The following PTPRO variants were observed in gnomAD, a reference collection of about 807,000 sequenced individuals.
PTPRO encodes protein tyrosine phosphatase receptor type O, also known as receptor-type tyrosine-protein phosphatase O.
A neutral mutation model predicts 145.2 loss-of-function variants in PTPRO; 62 were observed. The ratio of observed to expected loss-of-function variants is 0.43; its 90% CI spans 0.35 to 0.53. The LOEUF is 0.53. Ranked by LOEUF, PTPRO falls within the 20% of genes least tolerant of loss-of-function variation. The pLI, the probability that PTPRO is intolerant of heterozygous loss-of-function variation, is 0.01. For synonymous variants in PTPRO, 565 were observed against 514.7 expected (o/e 1.10, Z -1.32); for missense variants, 1,345 against 1,482.7 (o/e 0.91, Z 1.53).
intron 1 of PTPRO, among the ~76,000 whole-genome samples, chr12:15,454,289 G>C (rs1348087232): frequency 1.3e-5 from 2 of 152,132 alleles, no homozygotes; most frequent in Non-Finnish European, 2.9e-5. Flanking sequence ...CTGTGGACTT[G>C]ATTTGCATTT....
chr12:15,497,096 T>G, intron 2 of PTPRO, 149 bp from the exon 3 acceptor site: 1 of 703,298 alleles, frequency 1.4e-6, no homozygotes, highest in Non-Finnish European at 2.5e-6. Flanking sequence ...AACATTCAAT[T>G]CATGGTTACT....
At chr12:15,367,083 T>A (rs1938384469) in intron 1 of PTPRO, among the ~76,000 whole-genome samples, 1 of 152,292 alleles carries the variant, frequency 6.6e-6, no homozygotes, top group East Asian at 1.9e-4. Flanking sequence ...TAGTACAATG[T>A]CATCACAGCT....
intron 19 of PTPRO, 64 bp from the exon 20 acceptor site, chr12:15,578,789 G>GT: frequency 1.1e-6 from 1 of 895,348 alleles, no homozygotes; most frequent in Non-Finnish European, 1.6e-6. Context: ...CAATAAACCA[G>GT]TTGAACAATA....
intron 2 of PTPRO, among the ~76,000 whole-genome samples, chr12:15,495,039 CAG>C (rs1311307959): frequency 1.3e-5 from 2 of 152,078 alleles, no homozygotes; most frequent in Non-Finnish European, 2.9e-5. Flanking sequence ...GAACTCAAAA[CAG>C]AGTTTTCAAG....
chr12:15,355,384 TAGTC>T (rs1937952862), intron 1 of PTPRO, among the ~76,000 whole-genome samples: 1 of 152,216 alleles, frequency 6.6e-6, no homozygotes, highest in South Asian at 2.1e-4. Context: ...TTCATGGCCT[TAGTC>T]AGGTGCCTTG....
intron 10 of PTPRO, among the ~76,000 whole-genome samples, chr12:15,523,850 T>C (rs916890665): frequency 2.6e-5 from 4 of 151,010 alleles, no homozygotes; most frequent in Non-Finnish European, 4.4e-5. Context: ...CAGGCTGGAA[T>C]GCAGTGGCAG....
chr12:15,327,914 T>C, intron 1 of PTPRO, among the ~76,000 whole-genome samples: 1 of 151,870 alleles, frequency 6.6e-6, no homozygotes, highest in Admixed American at 6.6e-5. Flanking sequence ...AGGAATTCGA[T>C]ACCAGCCTGG....
intron 11 of PTPRO, 25 bp from the exon 12 acceptor site, chr12:15,526,117 A>G (rs1410804311): frequency 6.2e-7 from 1 of 1,613,684 alleles, no homozygotes; most frequent in Non-Finnish European, 8.5e-7. Flanking sequence ...AAAAGTTTAA[A>G]CCCTTGATTT....
chr12:15,430,838 A>T (rs1565625114), intron 1 of PTPRO, among the ~76,000 whole-genome samples: 1 of 152,198 alleles, frequency 6.6e-6, no homozygotes, highest in Non-Finnish European at 1.5e-5. Context: ...ATAAATATAT[A>T]CAATTTTGTC....
chr12:15,464,538 G>A lies in PTPRO; in HGVS notation c.76-19436G>A, dbSNP rs887008363. On this transcript the variant is annotated intron_variant, in intron 1 of 26. Coordinates refer to ENST00000281171, the MANE Select transcript of PTPRO (RefSeq NM_030667.3). ...CCCAGCTAATTTTGTTTTTTTTTTT[G>A]TATTTTTAATAGAGGGGGGTTTCAC... 3.2e-5 allele frequency among the ~76,000 whole-genome samples: 3 copies of A among 92,974 alleles called. No homozygotes were observed. In the Middle Eastern group the frequency reaches 0.019, roughly 588 times the overall value. The allele number at this position is 92,974 out of a possible 152,430, so 61.0% of individuals were successfully genotyped here. A position where few individuals can be genotyped will look rare whatever the true frequency, so the allele number is the denominator to read the frequency against.
At chr12:15,572,123 C>T (rs1301928067) in intron 19 of PTPRO, among the ~76,000 whole-genome samples, 1 of 152,020 alleles carries the variant, frequency 6.6e-6, no homozygotes, top group Non-Finnish European at 1.5e-5. Flanking sequence ...TTTTCTTAAC[C>T]AATTGATATA....
intron 1 of PTPRO, among the ~76,000 whole-genome samples, chr12:15,383,956 A>G (rs902935638): frequency 6.6e-6 from 1 of 152,186 alleles, no homozygotes; most frequent in Non-Finnish European, 1.5e-5. Context: ...TTTCCTTCAG[A>G]GTCTGCTGTC....
intron 1 of PTPRO, among the ~76,000 whole-genome samples, chr12:15,407,875 A>T (rs1260894708): frequency 3.9e-5 from 6 of 152,320 alleles, no homozygotes; most frequent in African/African-American, 1.2e-4. Context: ...CTTCCTAGCA[A>T]TTTCAAAGTT....
At chr12:15,564,697 CTG>C (rs1399717100) in intron 17 of PTPRO, among the ~76,000 whole-genome samples, 8 of 152,174 alleles carry the variant, frequency 5.3e-5, no homozygotes, top group Non-Finnish European at 1.2e-4. Flanking sequence ...TTACTATAGA[CTG>C]TTTATTTTCT....
At chr12:15,471,887 G>A (rs2136417614) in intron 1 of PTPRO, among the ~76,000 whole-genome samples, 1 of 152,280 alleles carries the variant, frequency 6.6e-6, no homozygotes, top group Non-Finnish European at 1.5e-5. Context: ...CCAGGTGTCA[G>A]AAGGAACCTG....
At chr12:15,412,268 T>C (rs1591788426) in intron 1 of PTPRO, among the ~76,000 whole-genome samples, 1 of 152,236 alleles carries the variant, frequency 6.6e-6, no homozygotes, top group Admixed American at 6.5e-5. Context: ...ACTTTGTAAG[T>C]CCTTAAACCA....
chr12:15,399,879 C>T (rs879405721), intron 1 of PTPRO, among the ~76,000 whole-genome samples: 3 of 151,094 alleles, frequency 2.0e-5, no homozygotes, highest in Non-Finnish European at 4.4e-5. Flanking sequence ...GGTGAAACCT[C>T]ATCTCTACTA....
chr12:15,565,272 G>A (rs1943868523), intron 17 of PTPRO: 1 of 202,676 alleles, frequency 4.9e-6, no homozygotes, highest in Non-Finnish European at 9.9e-6. Context: ...GTGGTAGATA[G>A]ATACTTCTAT....
At chr12:15,562,019 C>T (rs1420666367) in intron 17 of PTPRO, among the ~76,000 whole-genome samples, 1 of 152,102 alleles carries the variant, frequency 6.6e-6, no homozygotes, top group African/African-American at 2.4e-5. Context: ...GGAGAAAATA[C>T]CCTTCAGTAA....
Sources: allele counts gnomAD v4.1 joint callset (sites outside exome capture counted in the v4.1 genomes callset), GRCh38; gene constraint gnomAD v4.1.1; transcripts MANE v1.5; gene names NCBI Gene and HGNC (gene_info 2026-07-23, HGNC 2026-07-21).